Variants in USH2A observed in about 807,000 individuals in gnomAD.
USH2A encodes usherin.
A neutral mutation model predicts 538.9 loss-of-function variants in USH2A; 443 were observed. The ratio of observed to expected loss-of-function variants is 0.82; its 90% CI spans 0.76 to 0.89. The LOEUF (loss-of-function observed/expected upper bound fraction) is 0.89, where lower values mean the gene tolerates loss of function less well. Among genes scored for constraint, USH2A ranks in the 40% least tolerant of loss-of-function variants. USH2A has a pLI of 0.00. For missense variants in USH2A, 6,633 were observed against 6,324.8 expected (o/e 1.05, Z -1.65); for synonymous variants, 2,413 against 2,273.5 (o/e 1.06, Z -1.75).
intron 37 of USH2A, among the ~76,000 whole-genome samples, chr1:215,961,327 C>T (rs1434384850): frequency 1.3e-5 from 2 of 151,322 alleles, no homozygotes; most frequent in African/African-American, 2.4e-5. Context: ...TTAATGAATA[C>T]ACAACAGAAA....
Position 215,639,181 on chromosome 1 carries a change from A to C in USH2A, c.15026T>G (p.Ile5009Ser). 1 of 1,614,158 alleles carries C rather than the reference A, an allele frequency of 6.2e-7. No individual in the cohort carries two copies. The highest frequency in any genetic ancestry group is 8.5e-7 in the Non-Finnish European group (1 of 1,180,008). ...AAGTCCAGTAGAGGTATCATATTGGATCAACGGCGTCTTAACACTTCCTTC... is the reference window on the plus strand; with the variant it reads ...AAGTCCAGTAGAGGTATCATATTGGCTCAACGGCGTCTTAACACTTCCTTC... ...TDEGSVKTPLIQYDTSTGLGL... is the reference protein window; with the variant it reads ...TDEGSVKTPLSQYDTSTGLGL... The change falls in exon 69 of 72, where the codon ATC becomes AGC. Residue 5009 changes from isoleucine to serine, a missense_variant. By Grantham distance (142) the Ile-to-Ser change is moderately radical. Coordinates refer to ENST00000307340, the MANE Select transcript of USH2A (RefSeq NM_206933.4).
At chr1:215,873,414 A>G (rs1488006933) in intron 43 of USH2A, among the ~76,000 whole-genome samples, 2 of 152,218 alleles carry the variant, frequency 1.3e-5, no homozygotes, top group Non-Finnish European at 2.9e-5. Context: ...CATTATTTAT[A>G]TTATAGAAAC....
intron 30 of USH2A, among the ~76,000 whole-genome samples, chr1:216,060,948 G>C (rs541123195): frequency 6.6e-6 from 1 of 152,306 alleles, no homozygotes; most frequent in East Asian, 1.9e-4. Flanking sequence ...AAGCTACCCA[G>C]AGTTAATTGG....
chr1:216,272,528 C>T (rs1050973657), intron 11 of USH2A, among the ~76,000 whole-genome samples: 3 of 151,994 alleles, frequency 2.0e-5, no homozygotes, highest in Admixed American at 2.0e-4. Flanking sequence ...TTGAATTGTT[C>T]TTTTTTCCTT....
At chr1:216,335,719 T>C (rs2037956829) in intron 4 of USH2A, among the ~76,000 whole-genome samples, 2 of 151,524 alleles carry the variant, frequency 1.3e-5, no homozygotes, top group African/African-American at 4.8e-5. Context: ...GTAAACTGAC[T>C]TAAGAAGAAA....
At chr1:215,694,065 A>C (rs1658712032) in intron 61 of USH2A, among the ~76,000 whole-genome samples, 1 of 152,198 alleles carries the variant, frequency 6.6e-6, no homozygotes, top group South Asian at 2.1e-4. Context: ...GCCTATTAGA[A>C]AGACATTTAG....
Position 215,900,840 on chromosome 1 carries a change from A to C in USH2A, c.7366T>G (p.Ser2456Ala), listed in dbSNP as rs755823287. Residue 2456 changes from serine (S) to alanine (A), a missense_variant, in exon 39 of 72, where the codon TCT becomes GCT. By Grantham distance (99) the Ser-to-Ala change is moderately conservative. Transcript: ENST00000307340. ...ATPTSLQVVW[S>A]TPARNNAPGS... ...GGAGCGTTATTACGAGCTGGTGTAG[A>C]CCAGACAACCTGAAGACTGGTTGGA... 2.5e-6 allele frequency: 4 copies of C among 1,613,712 alleles called. No homozygotes were observed. Among genetic ancestry groups the C allele is most frequent in the Non-Finnish European group, 3.4e-6 (4 of 1,179,820 alleles).
intron 61 of USH2A, among the ~76,000 whole-genome samples, chr1:215,681,861 T>C (rs912563780): frequency 1.3e-5 from 2 of 152,238 alleles, no homozygotes; most frequent in African/African-American, 4.8e-5. Context: ...ATTATGATAT[T>C]ACACGCTAAC....
rs149211774 is a variant in USH2A, at chr1:215,802,746, C to T, written c.9740-3621G>A. Among the ~76,000 whole-genome samples, 606 of 152,214 alleles carry T rather than the reference C, an allele frequency of 4.0e-3. 5 individuals carry two copies. The highest frequency in any genetic ancestry group is 7.0e-3 in the South Asian group (34 of 4,826). On this transcript the variant is annotated intron_variant, in intron 49 of 71. Transcript: ENST00000307340. The stretch of plus-strand genomic sequence containing the variant: ...AGAATTACCATATGATCCAGCAATT[C>T]CACTTCTGGGTATAAACCCAAAAGA...
intron 61 of USH2A, 107 bp from the exon 62 acceptor site, chr1:215,680,483 C>T: frequency 9.5e-7 from 1 of 1,048,972 alleles, no homozygotes; most frequent in Non-Finnish European, 1.5e-6. Context: ...TAGGCAACAG[C>T]AGCGCAAACA....
At chr1:216,092,965 TA>T (rs1294073767) in intron 22 of USH2A, among the ~76,000 whole-genome samples, 1 of 151,378 alleles carries the variant, frequency 6.6e-6, no homozygotes, top group Non-Finnish European at 1.5e-5. Context: ...AACTTGGCTT[TA>T]ACAATTTTTT....
chr1:215,850,802 GA>G (rs1439888622), intron 44 of USH2A, among the ~76,000 whole-genome samples: 1 of 152,080 alleles, frequency 6.6e-6, no homozygotes, highest in African/African-American at 2.4e-5. Context: ...GCCACAAAAT[GA>G]GTCTCAACAA....
At position 216,245,470 on chromosome 1, in the gene USH2A, T is replaced by TGAGAGAGAGAGA. The variant is rs10535828; in HGVS notation, c.2809+1103_2809+1114dup. ...GAAAGAGAGAGGTAAAGTCCCCTTC[T>TGAGAGAGAGAGA]GAGAGAGAGAGAGAGAGAGAGAGAG... On this transcript the variant is annotated intron_variant, in intron 13 of 71. Coordinates refer to ENST00000307340, the MANE Select transcript of USH2A (RefSeq NM_206933.4). 4.2e-3 allele frequency among the ~76,000 whole-genome samples: 485 copies of TGAGAGAGAGAGA among 114,216 alleles called. 10 individuals carry two copies. The highest frequency in any genetic ancestry group is 5.6e-3 in the Non-Finnish European group (316 of 56,350). The allele number at this position is 114,216 out of a possible 152,430, so 74.9% of individuals were successfully genotyped here.
chr1:216,199,960 T>C lies in USH2A; in HGVS notation c.3478A>G (p.Ile1160Val), dbSNP rs2034945347. ...GNLTLSYIIP[I>V]GSDSVTLTWT... is the part of the protein sequence containing the mutation. ...GTAAGTGTCACAGAGTCTGAGCCAA[T>C]AGGAATGATATAACTTAAAGTCAAG... is the stretch of plus-strand genomic sequence containing the variant. The change falls in exon 17 of 72, where the codon ATT becomes GTT. Residue 1160 changes from isoleucine to valine, a missense_variant. Transcript: ENST00000307340. 2.5e-6 allele frequency: 4 copies of C among 1,614,102 alleles called. No homozygotes were observed. In the East Asian group the frequency reaches 6.7e-5, roughly 27 times the overall value.
In USH2A at chr1:215,872,094, A is replaced by T. The variant is rs189728925; in HGVS notation, c.8682-4924T>A. 9.2e-5 allele frequency among the ~76,000 whole-genome samples: 14 copies of T among 152,212 alleles called. No individual in the cohort carries two copies. In the East Asian group the frequency reaches 1.7e-3, roughly 19 times the overall value. On this transcript the variant is annotated intron_variant, in intron 43 of 71. Coordinates refer to ENST00000307340, the MANE Select transcript of USH2A (RefSeq NM_206933.4). ...GGTTATTTAGTTGCTTCTTCCACTAACTCTTCCTCATCTCTGCCACAACCC... is the reference window on the plus strand; with the variant it reads ...GGTTATTTAGTTGCTTCTTCCACTATCTCTTCCTCATCTCTGCCACAACCC...
intron 60 of USH2A, among the ~76,000 whole-genome samples, chr1:215,732,545 T>C (rs1345463424): frequency 4.6e-4 from 5 of 10,766 alleles, no homozygotes; most frequent in African/African-American, 5.4e-4. Flanking sequence ...TTTTTCTTTC[T>C]TTTTTTTTTT....
chr1:215,759,770 C>T lies in USH2A; in HGVS notation c.11121G>A (p.Lys3707=). The T allele has an allele frequency of 6.2e-7, 1 of 1,614,032 alleles. No homozygotes were observed. Among genetic ancestry groups the T allele is most frequent in the Non-Finnish European group, 8.5e-7 (1 of 1,179,964 alleles). ...TVELYWSLPE[K]PNGLVSQYQL... ...GATATTGAGAAACGAGGCCATTGGG[C>T]TTTTCTGGCAGACTCCAATATAATT... is the stretch of plus-strand genomic sequence containing the variant. The change falls in exon 57 of 72, where the codon AAG becomes AAA. Residue 3707 remains lysine, a synonymous_variant. Transcript: ENST00000307340.
At chr1:215,877,515 T>C (rs1303172314) in intron 43 of USH2A, among the ~76,000 whole-genome samples, 1 of 152,206 alleles carries the variant, frequency 6.6e-6, no homozygotes, top group African/African-American at 2.4e-5. Flanking sequence ...GGCAATAGGT[T>C]AAGGCTTGAA....
intron 21 of USH2A, among the ~76,000 whole-genome samples, chr1:216,130,129 C>T (rs957116367): frequency 6.6e-6 from 1 of 152,024 alleles, no homozygotes; most frequent in African/African-American, 2.4e-5. Flanking sequence ...TGGAGAAACA[C>T]TCCAGGACAT....
Sources: allele counts gnomAD v4.1 joint callset (sites outside exome capture counted in the v4.1 genomes callset), GRCh38; gene constraint gnomAD v4.1.1; transcripts MANE v1.5; gene names NCBI Gene and HGNC (gene_info 2026-07-23, HGNC 2026-07-21).